UBE2W: variants seen among roughly 807,000 people sequenced by gnomAD.
UBE2W encodes ubiquitin conjugating enzyme E2 W, also known as ubiquitin-conjugating enzyme E2 W.
Under a neutral mutation model 27.2 loss-of-function variants are expected in UBE2W, and 18 were observed. The ratio of observed to expected loss-of-function variants is 0.66; its 90% CI spans 0.46 to 0.98. UBE2W has a LOEUF of 0.98. Among genes scored for constraint, UBE2W ranks in the 50% least tolerant of loss-of-function variants. The pLI is 0.00. For synonymous variants in UBE2W, 53 were observed against 57.2 expected (o/e 0.93, Z 0.33); for missense variants, 90 against 180.2 (o/e 0.50, Z 2.87).
chr8:73,811,592 T>C (rs1342280807), intron 3 of UBE2W, among the ~76,000 whole-genome samples: 3 of 152,150 alleles, frequency 2.0e-5, no homozygotes, highest in African/African-American at 7.2e-5. Context: ...GAACACATAG[T>C]TGGAAGATCT....
chr8:73,805,472 C>CAAAAAAAAACAAAAAA, intron 5 of UBE2W, among the ~76,000 whole-genome samples, 179 bp downstream of exon 5: 2 of 43,676 alleles, frequency 4.6e-5, no homozygotes, highest in Non-Finnish European at 9.9e-5. Flanking sequence ...AAAAAAAAAA[C>CAAAAAAAAACAAAAAA]AAAAAAAACT....
intron 3 of UBE2W, among the ~76,000 whole-genome samples, chr8:73,824,362 G>C (rs539187815): frequency 6.6e-6 from 1 of 152,180 alleles, no homozygotes; most frequent in African/African-American, 2.4e-5. Context: ...CTGATGTTTA[G>C]ATATTTAACA....
At chr8:73,802,308 A>G (rs1471347585) in intron 5 of UBE2W, among the ~76,000 whole-genome samples, 1 of 152,240 alleles carries the variant, frequency 6.6e-6, no homozygotes, top group Non-Finnish European at 1.5e-5. Context: ...GCAGATTCAG[A>G]AACTGTTTCA....
intron 1 of UBE2W, among the ~76,000 whole-genome samples, chr8:73,840,309 G>A (rs934113195): frequency 4.6e-5 from 7 of 152,190 alleles, no homozygotes; most frequent in African/African-American, 1.7e-4. Flanking sequence ...GCCTGCCTTG[G>A]CCTCCCAAAG....
downstream of UBE2W, among the ~76,000 whole-genome samples, chr8:73,782,375 C>G (rs1384466053): frequency 6.6e-6 from 1 of 151,952 alleles, no homozygotes; most frequent in Non-Finnish European, 1.5e-5. Flanking sequence ...GTATCATTCC[C>G]AAAAGTTTGT....
intron 1 of UBE2W, among the ~76,000 whole-genome samples, chr8:73,868,767 T>C (rs546143654): frequency 3.4e-4 from 51 of 151,050 alleles, no homozygotes; most frequent in African/African-American, 1.2e-3. Flanking sequence ...TGTGGGCGAG[T>C]ACATAAGAAA....
chr8:73,787,557 A>G lies in UBE2W; in HGVS notation c.*6545T>C, dbSNP rs1462692804. 2 of 985,328 alleles carry G rather than the reference A, an allele frequency of 2.0e-6. No homozygotes were observed. The highest frequency in any genetic ancestry group is 1.1e-4 in the East Asian group (1 of 8,826). 61.0% of individuals were successfully genotyped at this position (985,328 alleles called of 1,614,324 possible). A position where few individuals can be genotyped will look rare whatever the true frequency, so the allele number is the denominator to read the frequency against. ...TTTTTATGGCAGAATGGCTGCCTCA[A>G]TGAGGACTAAGGTGCTCCTGGGGCA... On this transcript the variant is annotated 3_prime_UTR_variant, in exon 6 of 6. Coordinates refer to ENST00000602593, the MANE Select transcript of UBE2W (RefSeq NM_018299.6).
intron 5 of UBE2W, among the ~76,000 whole-genome samples, chr8:73,802,103 T>C (rs1808670854): frequency 6.6e-6 from 1 of 152,234 alleles, no homozygotes; most frequent in African/African-American, 2.4e-5. Context: ...GTTAAGGATG[T>C]TTTTTAGGAC....
chr8:73,798,709 C>T (rs890392304), intron 5 of UBE2W, among the ~76,000 whole-genome samples: 21 of 152,190 alleles, frequency 1.4e-4, no homozygotes, highest in African/African-American at 4.1e-4. Context: ...CACAAAGAGA[C>T]ACATTCAAAA....
At chr8:73,875,914 GT>G (rs1417375224) in intron 1 of UBE2W, among the ~76,000 whole-genome samples, 1 of 152,024 alleles carries the variant, frequency 6.6e-6, no homozygotes, top group African/African-American at 2.4e-5. Context: ...TTACCTGGGC[GT>G]GGTGGCCAGC....
chr8:73,844,456 T>G (rs546664257), intron 1 of UBE2W, among the ~76,000 whole-genome samples: 6 of 152,230 alleles, frequency 3.9e-5, no homozygotes, highest in Non-Finnish European at 1.5e-5. Flanking sequence ...GTGCTCAATG[T>G]TGCCCTGGCT....
chr8:73,870,515 T>C (rs1488219055), intron 1 of UBE2W, among the ~76,000 whole-genome samples: 1 of 151,990 alleles, frequency 6.6e-6, no homozygotes, highest in Non-Finnish European at 1.5e-5. Flanking sequence ...TCATCCCTAT[T>C]TTATATTTGG....
intron 1 of UBE2W, among the ~76,000 whole-genome samples, chr8:73,864,207 A>C (rs887771013): frequency 1.3e-5 from 2 of 152,212 alleles, no homozygotes; most frequent in South Asian, 2.1e-4. Flanking sequence ...CAGCGTGGCC[A>C]ACATGGCGAA....
chr8:73,828,889 A>G (rs1809961086), intron 2 of UBE2W, among the ~76,000 whole-genome samples: 1 of 152,120 alleles, frequency 6.6e-6, no homozygotes, highest in Non-Finnish European at 1.5e-5. Context: ...ACCCATCAGA[A>G]AGCTTCTTAA....
At chr8:73,786,200 TA>T (rs933966857), downstream of UBE2W, 99 of 984,506 alleles carry the variant, frequency 1.0e-4, no homozygotes, top group Non-Finnish European at 1.1e-4. Context: ...GAAACACCTA[TA>T]AAAAAAGCCA....
chr8:73,864,172 T>C (rs1305312621), intron 1 of UBE2W, among the ~76,000 whole-genome samples: 2 of 152,174 alleles, frequency 1.3e-5, no homozygotes, highest in Non-Finnish European at 2.9e-5. Flanking sequence ...GACAGGCAGA[T>C]TGCTTGAGGT....
At chr8:73,849,593 T>A (rs1277875) in intron 1 of UBE2W, among the ~76,000 whole-genome samples, 143,990 of 147,566 alleles carry the variant, frequency 0.98, 70,253 homozygotes, top group African/African-American at 0.99. Flanking sequence ...ATAAGAAAAC[T>A]GAAAAAGAAC....
intron 3 of UBE2W, among the ~76,000 whole-genome samples, chr8:73,818,683 C>A (rs1279481798): frequency 1.3e-5 from 2 of 152,174 alleles, no homozygotes; most frequent in Non-Finnish European, 2.9e-5. Context: ...GTGTGTGGGT[C>A]ACTCTGGGTG....
At chr8:73,805,472 C>CAAAAAAAAAAAACAAAAAAAA in intron 5 of UBE2W, among the ~76,000 whole-genome samples, 179 bp downstream of exon 5, 6 of 43,676 alleles carry the variant, frequency 1.4e-4, no homozygotes, top group Non-Finnish European at 3.0e-4. Flanking sequence ...AAAAAAAAAA[C>CAAAAAAAAAAAACAAAAAAAA]AAAAAAAACT....
Sources: gnomAD v4.1 joint callset for allele counts (sites outside exome capture counted in the v4.1 genomes callset) on GRCh38, gnomAD v4.1.1 for gene constraint, MANE v1.5 for transcripts, NCBI Gene and HGNC (gene_info 2026-07-23, HGNC 2026-07-21) for gene names.